The following ZNF84 variants were observed in gnomAD, a reference collection of about 807,000 sequenced individuals.
ZNF84 encodes the protein zinc finger protein 84.
A neutral mutation model predicts 14.8 loss-of-function variants in ZNF84; 12 were observed. The observed-to-expected ratio is 0.81, with a 90% CI of 0.52 to 1.31. The LOEUF (loss-of-function observed/expected upper bound fraction) is 1.31. Among genes scored for constraint, ZNF84 ranks in the 50% most tolerant of loss-of-function variants. The pLI, the probability that ZNF84 is intolerant of heterozygous loss-of-function variation, is 0.00. For synonymous variants in ZNF84, 347 were observed against 291.1 expected (o/e 1.19, Z -1.96); for missense variants, 859 against 878.6 (o/e 0.98, Z 0.28).
chr12:133,046,543 C>T (rs1444418619), intron 2 of ZNF84, among the ~76,000 whole-genome samples: 2 of 151,864 alleles, frequency 1.3e-5, no homozygotes, highest in African/African-American at 2.4e-5. Context: ...ACACTGTGCT[C>T]TCCTTTATTT....
chr12:133,058,452 T>G lies in ZNF84; in HGVS notation c.1737T>G (p.Ala579=). The G allele has an allele frequency of 6.2e-7, 1 of 1,613,686 alleles. No individual in the cohort carries two copies. The highest frequency in any genetic ancestry group is 8.5e-7 in the Non-Finnish European group (1 of 1,179,846). ...ATGAATGCAGGGACTGTGAAAAAGCTTTCTCCCAGAAATCACAGCTAAATA... is the reference window on the plus strand; with the variant it reads ...ATGAATGCAGGGACTGTGAAAAAGCGTTCTCCCAGAAATCACAGCTAAATA... ...KPYECRDCEK[A]FSQKSQLNTH... Residue 579 remains alanine, a synonymous_variant, in exon 5 of 5, where the codon GCT becomes GCG. Coordinates refer to ENST00000539354, the MANE Select transcript of ZNF84 (RefSeq NM_001289971.2).
Position 133,060,937 on chromosome 12 carries a change from C to G in ZNF84, c.*2005C>G, listed in dbSNP as rs898124115. On this transcript the variant is annotated 3_prime_UTR_variant, in exon 5 of 5. Coordinates refer to ENST00000539354, the MANE Select transcript of ZNF84 (RefSeq NM_001289971.2). Reference sequence around the variant, plus strand: ...GCTTGATTGCAAACTTAGAAAAACTCAAGACTTCTCCTTTTATGTTCAAAT... The same window carrying G: ...GCTTGATTGCAAACTTAGAAAAACTGAAGACTTCTCCTTTTATGTTCAAAT... 2 of 152,132 alleles carry G rather than the reference C, an allele frequency of 1.3e-5. No individual in the cohort carries two copies. The highest frequency in any genetic ancestry group is 2.4e-5 in the African/African-American group (1 of 41,432). 9.4% of individuals were successfully genotyped at this position (152,132 alleles called of 1,614,324 possible).
In ZNF84 at chr12:133,059,353, G is replaced by T; in HGVS notation, c.*421G>T. 4.3e-6 allele frequency: 1 copy of T among 232,884 alleles called. No individual in the cohort carries two copies. The highest frequency in any genetic ancestry group is 8.3e-6 in the Non-Finnish European group (1 of 120,906). The allele number at this position is 232,884 out of a possible 1,614,324, so 14.4% of individuals were successfully genotyped here. On this transcript the variant is annotated 3_prime_UTR_variant, in exon 5 of 5. Transcript: ENST00000539354. Reference sequence around the variant, plus strand: ...CTCTTAGGAATGAAGTTCTATGAAAGTACTAAATATGGGACAGTGCAACAA... The same window carrying T: ...CTCTTAGGAATGAAGTTCTATGAAATTACTAAATATGGGACAGTGCAACAA...
intron 2 of ZNF84, among the ~76,000 whole-genome samples, chr12:133,044,317 ATT>A (rs11326247): frequency 1.2e-3 from 164 of 140,212 alleles, no homozygotes; most frequent in Middle Eastern, 7.2e-3. Context: ...GCTAGTTTAA[ATT>A]TTTTTTTTTT....
intron 2 of ZNF84, among the ~76,000 whole-genome samples, chr12:133,046,936 A>T (rs1358011759): frequency 1.4e-5 from 2 of 141,518 alleles, no homozygotes; most frequent in Admixed American, 7.7e-5. Context: ...TTTTAATATA[A>T]TATTTATATT....
Position 133,061,106 on chromosome 12 carries a change from A to T in ZNF84, c.*2174A>T, listed in dbSNP as rs1366511065. 1.3e-5 allele frequency: 2 copies of T among 152,210 alleles called. No individual in the cohort carries two copies. Among genetic ancestry groups the T allele is most frequent in the Non-Finnish European group, 2.9e-5 (2 of 68,042 alleles). 9.4% of individuals were successfully genotyped at this position (152,210 alleles called of 1,614,324 possible). A position where few individuals can be genotyped will look rare whatever the true frequency, so the allele number is the denominator to read the frequency against. ...CAGAATACCAGTTCAACAGCCAAAT[A>T]ATTCTGTCTTTCCATGCTGTAATTT... On this transcript the variant is annotated 3_prime_UTR_variant, in exon 5 of 5. Transcript: ENST00000539354.
chr12:133,054,891 T>TG (rs1290151552), intron 4 of ZNF84, among the ~76,000 whole-genome samples: 42 of 152,162 alleles, frequency 2.8e-4, no homozygotes, highest in Admixed American at 2.7e-3. Flanking sequence ...CTCCAAACTA[T>TG]CTTTTTTCAT....
intron 4 of ZNF84, 68 bp downstream of exon 4, chr12:133,048,916 G>A: frequency 3.0e-6 from 4 of 1,336,780 alleles, no homozygotes; most frequent in African/African-American, 1.4e-5. Context: ...AGTGACGGGT[G>A]GGCTAGTCAG....
rs1320510372 is a variant in ZNF84, at chr12:133,060,495, T to C, written c.*1563T>C. 6.6e-6 allele frequency: 1 copy of C among 152,168 alleles called. No individual in the cohort carries two copies. Among genetic ancestry groups the C allele is most frequent in the African/African-American group, 2.4e-5 (1 of 41,438 alleles). 9.4% of individuals were successfully genotyped at this position (152,168 alleles called of 1,614,324 possible). ...AATACACCCAACTTACCAAACATCA[T>C]AGCTTAGCGTAGCCTACCTTAAACA... On this transcript the variant is annotated 3_prime_UTR_variant, in exon 5 of 5. Coordinates refer to ENST00000539354, the MANE Select transcript of ZNF84 (RefSeq NM_001289971.2).
rs377023501 is a variant in ZNF84 at position 133,043,785 on chromosome 12, A to C, written c.15+2303A>C. 1.1e-3 allele frequency among the ~76,000 whole-genome samples: 161 copies of C among 152,018 alleles called. No homozygotes were observed. In the Middle Eastern group the frequency reaches 0.02, roughly 19 times the overall value. ...TTTATTTTTTTTGAGGCAGAGTCTC[A>C]CTCTGTTGCCCAGGCTGGAGTGCAG... On this transcript the variant is annotated intron_variant, in intron 2 of 4. Coordinates refer to ENST00000539354, the MANE Select transcript of ZNF84 (RefSeq NM_001289971.2).
intron 4 of ZNF84, among the ~76,000 whole-genome samples, chr12:133,056,198 A>G (rs1954154933): frequency 6.6e-6 from 1 of 152,126 alleles, no homozygotes; most frequent in Non-Finnish European, 1.5e-5. Context: ...TTTTAAAAAT[A>G]TTATCTTTTC....
chr12:133,057,596 G>A lies in ZNF84; in HGVS notation c.881G>A (p.Gly294Asp). Residue 294 changes from glycine to aspartate, a missense_variant, in exon 5 of 5, where the codon GGT (glycine) becomes GAT (aspartate). By Grantham distance (94) the Gly-to-Asp change is moderately conservative. Transcript: ENST00000539354. ...ACAGGAGAGAAACCTTATGAGTGTG[G>A]TGAATGTGGGAAAGCCTTCTCCCGG... is the stretch of plus-strand genomic sequence containing the variant. ...THTGEKPYEC[G>D]ECGKAFSRKS... is the part of the protein sequence containing the mutation. The A allele has an allele frequency of 1.2e-6, 2 of 1,614,106 alleles. No individual in the cohort carries two copies. Among genetic ancestry groups the A allele is most frequent in the South Asian group, 1.1e-5 (1 of 91,078 alleles).
chr12:133,051,760 C>T (rs910087753), intron 4 of ZNF84, among the ~76,000 whole-genome samples: 11 of 152,060 alleles, frequency 7.2e-5, no homozygotes, highest in Admixed American at 2.6e-4. Context: ...TATACAGTCT[C>T]GGCATAGTAA....
At chr12:133,048,716 G>C (rs1954025625) in intron 3 of ZNF84, 37 bp from the exon 4 acceptor site, 11 of 1,570,200 alleles carry the variant, frequency 7.0e-6, no homozygotes, top group Non-Finnish European at 9.6e-6. Context: ...ACCCCAAGCA[G>C]TTGGGCCCAA....
intron 4 of ZNF84, among the ~76,000 whole-genome samples, chr12:133,051,086 TTTTG>T (rs1954060743): frequency 6.8e-6 from 1 of 147,116 alleles, no homozygotes; most frequent in East Asian, 1.9e-4. Context: ...CATGCCTGTG[TTTTG>T]TTTGTTTTGT....
rs1054596456 is a variant in ZNF84 at position 133,046,505 on chromosome 12, A to G, written c.16-1450A>G. 3.9e-5 allele frequency among the ~76,000 whole-genome samples: 6 copies of G among 152,112 alleles called. No individual in the cohort carries two copies. The East Asian group carries it at 1.2e-3, about 29-fold the overall frequency. On this transcript the variant is annotated intron_variant, in intron 2 of 4. Coordinates refer to ENST00000539354, the MANE Select transcript of ZNF84 (RefSeq NM_001289971.2). ...GTAGAGCCTAACTCTACACTCAAAT[A>G]GAGTGAAGTGCTGCCTGCTTTTTAT...
chr12:133,058,329 A>C lies in ZNF84; in HGVS notation c.1614A>C (p.Thr538=). Residue 538 remains threonine, a synonymous_variant, in exon 5 of 5, where the codon ACA becomes ACC. Coordinates refer to ENST00000539354, the MANE Select transcript of ZNF84 (RefSeq NM_001289971.2). The part of the protein sequence containing the change: ...SHLISHQRTH[T]GEKPYECSEC... The stretch of plus-strand genomic sequence containing the variant: ...TCATATCACATCAGAGGACACATAC[A>C]GGGGAGAAACCCTATGAATGCAGTG... 1 of 1,613,954 alleles carries C rather than the reference A, an allele frequency of 6.2e-7. No individual in the cohort carries two copies. The highest frequency in any genetic ancestry group is 8.5e-7 in the Non-Finnish European group (1 of 1,179,912).
intron 4 of ZNF84, among the ~76,000 whole-genome samples, chr12:133,051,119 T>TTG (rs1201311926): frequency 1.3e-5 from 2 of 150,444 alleles, no homozygotes; most frequent in African/African-American, 4.9e-5. Flanking sequence ...TTGGTTTTTT[T>TTG]TTTTGTTTTA....
At chr12:133,046,648 T>C (rs1424628164) in intron 2 of ZNF84, among the ~76,000 whole-genome samples, 6 of 150,750 alleles carry the variant, frequency 4.0e-5, no homozygotes, top group African/African-American at 1.5e-4. Flanking sequence ...ATTATTTTCC[T>C]TCTTGGTATT....
Sources: allele counts gnomAD v4.1 joint callset (sites outside exome capture counted in the v4.1 genomes callset), GRCh38; gene constraint gnomAD v4.1.1; transcripts MANE v1.5; gene names NCBI Gene and HGNC (gene_info 2026-07-23, HGNC 2026-07-21).